EPHA6: variants seen among roughly 807,000 people sequenced by gnomAD.
EPHA6 encodes the protein ephrin type-A receptor 6.
EPHA6 carries 50 observed loss-of-function variants against 112.0 expected under a neutral mutation model. The observed-to-expected ratio is 0.45, with a 90% CI of 0.36 to 0.56. EPHA6 has a LOEUF of 0.56. Among genes scored for constraint, EPHA6 ranks in the 20% least tolerant of loss-of-function variants. The pLI, the probability that EPHA6 is intolerant of heterozygous loss-of-function variation, is 0.00. For missense variants in EPHA6, 1,280 were observed against 1,417.4 expected, an observed-to-expected ratio of 0.90 and a Z score of 1.56; for synonymous variants, 529 against 490.7, an observed-to-expected ratio of 1.08 and a Z score of -1.03.
chr3:96,948,050 T>C (rs1375096038), intron 2 of EPHA6, among the ~76,000 whole-genome samples: 1 of 152,168 alleles, frequency 6.6e-6, no homozygotes, highest in Admixed American at 6.5e-5. Flanking sequence ...TAATATTCTG[T>C]TGTGGATGTA....
intron 3 of EPHA6, among the ~76,000 whole-genome samples, chr3:97,104,133 T>C (rs554205760): frequency 2.0e-5 from 3 of 152,254 alleles, no homozygotes; most frequent in Non-Finnish European, 4.4e-5. Flanking sequence ...TTGGTTGCCC[T>C]TTATTTCTTT....
chr3:97,683,428 T>A (rs1287722567), intron 14 of EPHA6, among the ~76,000 whole-genome samples: 1 of 152,142 alleles, frequency 6.6e-6, no homozygotes, highest in African/African-American at 2.4e-5. Flanking sequence ...AATAACCCCT[T>A]ATACATTAGT....
At chr3:97,618,391 T>C (rs2093784023) in intron 13 of EPHA6, among the ~76,000 whole-genome samples, 2 of 151,592 alleles carry the variant, frequency 1.3e-5, no homozygotes, top group East Asian at 3.9e-4. Context: ...AGCAAACAAA[T>C]CCCAAAGCTA....
chr3:97,004,867 G>A lies in EPHA6; in HGVS notation c.1114+16874G>A, dbSNP rs552263081. Among the ~76,000 whole-genome samples, 8 of 152,152 alleles carry A rather than the reference G, an allele frequency of 5.3e-5. No individual in the cohort carries two copies. In the South Asian group the frequency reaches 1.7e-3, roughly 32 times the overall value. On this transcript the variant is annotated intron_variant, in intron 3 of 17. Transcript: ENST00000389672. ...TTTTCCAGCACCATTTAATGAATAG[G>A]AGATCCTTTCCCCATTGCTTGTTTT...
intron 1 of EPHA6, among the ~76,000 whole-genome samples, chr3:96,862,414 T>C (rs1248315567): frequency 2.0e-5 from 3 of 151,906 alleles, no homozygotes; most frequent in Non-Finnish European, 2.9e-5. Flanking sequence ...CCCCTTACTT[T>C]TTTTTCATAA....
At chr3:97,511,181 T>G (rs2092357653) in intron 10 of EPHA6, among the ~76,000 whole-genome samples, 1 of 150,532 alleles carries the variant, frequency 6.6e-6, no homozygotes, top group African/African-American at 2.4e-5. Flanking sequence ...TCCAGGGGAG[T>G]GAATGGTTCT....
intron 5 of EPHA6, among the ~76,000 whole-genome samples, chr3:97,245,332 C>T (rs1307237118): frequency 1.3e-5 from 2 of 151,872 alleles, no homozygotes; most frequent in Non-Finnish European, 2.9e-5. Flanking sequence ...GTCTAATCTC[C>T]TAATCTTCTC....
chr3:97,036,671 C>A (rs986591203), intron 3 of EPHA6, among the ~76,000 whole-genome samples: 4 of 151,874 alleles, frequency 2.6e-5, no homozygotes, highest in African/African-American at 9.7e-5. Context: ...TAGGCAGTAC[C>A]CTTTGCTGGA....
At chr3:97,214,038 T>TGTGTGTGTGTGTGTGTGTGTGTGA (rs1491420279) in intron 3 of EPHA6, among the ~76,000 whole-genome samples, 1 of 77,784 alleles carries the variant, frequency 1.3e-5, no homozygotes, top group Admixed American at 1.1e-4. Context: ...TGTGTGTGTG[T>TGTGTGTGTGTGTGTGTGTGTGTGA]GAGAGAGAGA....
At chr3:96,850,097 T>G (rs997160999) in intron 1 of EPHA6, among the ~76,000 whole-genome samples, 1 of 152,234 alleles carries the variant, frequency 6.6e-6, no homozygotes, top group East Asian at 1.9e-4. Flanking sequence ...CTTTCCAGCA[T>G]TAGAGATGTC....
intron 10 of EPHA6, among the ~76,000 whole-genome samples, chr3:97,526,950 C>T (rs755141061): frequency 8.5e-5 from 13 of 152,108 alleles, no homozygotes; most frequent in Non-Finnish European, 1.8e-4. Flanking sequence ...AGGGCCCCTT[C>T]ATGATCTGCT....
intron 5 of EPHA6, among the ~76,000 whole-genome samples, chr3:97,307,333 A>T (rs760559970): frequency 2.6e-5 from 4 of 151,786 alleles, no homozygotes; most frequent in Non-Finnish European, 4.4e-5. Flanking sequence ...TTCTAATCTC[A>T]CCACTAGTAA....
chr3:97,497,149 C>A (rs2092001331), intron 10 of EPHA6, among the ~76,000 whole-genome samples: 1 of 152,132 alleles, frequency 6.6e-6, no homozygotes, highest in Admixed American at 6.6e-5. Context: ...AGATTGTGTC[C>A]CTCTCTGCTC....
intron 3 of EPHA6, among the ~76,000 whole-genome samples, chr3:97,061,158 G>A (rs2108122012): frequency 6.6e-6 from 1 of 152,286 alleles, no homozygotes; most frequent in Middle Eastern, 3.4e-3. Context: ...GAAATGAGGT[G>A]ACAGGAATTG....
At chr3:97,660,127 T>A (rs971299003) in intron 14 of EPHA6, among the ~76,000 whole-genome samples, 1 of 152,070 alleles carries the variant, frequency 6.6e-6, no homozygotes, top group Non-Finnish European at 1.5e-5. Flanking sequence ...CTTGAAACCC[T>A]ATAAAACATT....
chr3:97,078,591 C>T (rs2046615084), intron 3 of EPHA6, among the ~76,000 whole-genome samples: 1 of 152,096 alleles, frequency 6.6e-6, no homozygotes, highest in South Asian at 2.1e-4. Flanking sequence ...AGGAAGGGAT[C>T]CAGTTTCAGC....
chr3:97,396,531 G>C (rs1409009731), intron 5 of EPHA6, among the ~76,000 whole-genome samples: 1 of 151,074 alleles, frequency 6.6e-6, no homozygotes, highest in Non-Finnish European at 1.5e-5. Flanking sequence ...TTTATTTCTT[G>C]CCTTTAGTTT....
rs184309045 is a variant in EPHA6, at chr3:97,242,962, G to A, written c.1271-990G>A. Among the ~76,000 whole-genome samples the A allele has an allele frequency of 2.6e-5, 4 of 151,876 alleles. No individual in the cohort carries two copies. In the East Asian group the frequency reaches 7.7e-4, roughly 29 times the overall value. ...TTTCACATATAGTACTTAGCATAGT[G>A]TCTGGCTCCTAGAAGACATTCAGGT... On this transcript the variant is annotated intron_variant, in intron 4 of 17. Transcript: ENST00000389672.
intron 2 of EPHA6, among the ~76,000 whole-genome samples, chr3:96,954,088 G>T (rs527634612): frequency 6.6e-6 from 1 of 152,086 alleles, no homozygotes; most frequent in Admixed American, 6.5e-5. Context: ...TGCCTAGGCT[G>T]GTCTCAAACT....
Sources: gnomAD v4.1 joint callset for allele counts (sites outside exome capture counted in the v4.1 genomes callset) on GRCh38, gnomAD v4.1.1 for gene constraint, MANE v1.5 for transcripts, NCBI Gene and HGNC (gene_info 2026-07-23, HGNC 2026-07-21) for gene names.